Variants in TOP1 observed in about 807,000 individuals in gnomAD.
TOP1 encodes DNA topoisomerase I.
Under a neutral mutation model 111.1 loss-of-function variants are expected in TOP1, and 10 were observed. The ratio of observed to expected loss-of-function variants is 0.09; its 90% confidence interval spans 0.06 to 0.15. The LOEUF is 0.15. TOP1 is among the 10% of genes least tolerant of loss of function. The pLI, the probability that TOP1 is intolerant of heterozygous loss-of-function variation, is 1.00. For missense variants in TOP1, 474 were observed against 926.7 expected (o/e 0.51, Z 6.34); for synonymous variants, 271 against 302.9 (o/e 0.89, Z 1.10).
intron 18 of TOP1, among the ~76,000 whole-genome samples, chr20:41,120,568 T>G (rs1204381708): frequency 6.6e-6 from 1 of 152,220 alleles, no homozygotes; most frequent in Non-Finnish European, 1.5e-5. Context: ...TGAGAAGAAC[T>G]TAGATTCACC....
intron 3 of TOP1, among the ~76,000 whole-genome samples, chr20:41,062,382 C>T (rs903843180): frequency 6.6e-6 from 1 of 152,204 alleles, no homozygotes; most frequent in Non-Finnish European, 1.5e-5. Flanking sequence ...TTTCGCGAAT[C>T]ATTAAAATAA....
chr20:41,043,096 G>T (rs116981192), intron 2 of TOP1, among the ~76,000 whole-genome samples: 9 of 152,318 alleles, frequency 5.9e-5, no homozygotes, highest in Non-Finnish European at 1.2e-4. Flanking sequence ...GTGGTTTCCT[G>T]ATCAGCAGAA....
Position 41,116,462 on chromosome 20 carries a change from G to A in TOP1, c.1822+70G>A. 1.6e-6 allele frequency: 2 copies of A among 1,242,720 alleles called. No individual in the cohort carries two copies. The highest frequency in any genetic ancestry group is 1.2e-5 in the South Asian group (1 of 80,700). 77.0% of individuals were successfully genotyped at this position (1,242,720 alleles called of 1,614,324 possible). A position where few individuals can be genotyped will look rare whatever the true frequency, so the allele number is the denominator to read the frequency against. ...TATCCGGTGACCTTGCTTATCTAAGGCCTAGAGTCAGTTCTACTTTTTTTC... is the reference window on the plus strand; with the variant it reads ...TATCCGGTGACCTTGCTTATCTAAGACCTAGAGTCAGTTCTACTTTTTTTC... On this transcript the variant is annotated intron_variant, in intron 17 of 20. Coordinates refer to ENST00000361337, the MANE Select transcript of TOP1 (RefSeq NM_003286.4). The surrounding 1 kb of genome is among the most constrained non-coding windows in gnomAD (Gnocchi z 5.6).
intron 2 of TOP1, among the ~76,000 whole-genome samples, chr20:41,048,724 T>C (rs1412453423): frequency 6.6e-6 from 1 of 152,248 alleles, no homozygotes; most frequent in Admixed American, 6.5e-5. Flanking sequence ...AAGACCTTCT[T>C]GTAGATCAAG....
At chr20:41,035,993 G>A (rs796187388) in intron 2 of TOP1, among the ~76,000 whole-genome samples, 7 of 152,310 alleles carry the variant, frequency 4.6e-5, no homozygotes, top group African/African-American at 1.7e-4. Context: ...AGCAGCAGAA[G>A]TGGGATGAAG....
chr20:41,049,489 C>T (rs2122607283), intron 2 of TOP1, among the ~76,000 whole-genome samples: 1 of 152,330 alleles, frequency 6.6e-6, no homozygotes, highest in Non-Finnish European at 1.5e-5. Flanking sequence ...TGAACTTGGT[C>T]TTTGTAACTT....
intron 8 of TOP1, among the ~76,000 whole-genome samples, chr20:41,090,428 C>A (rs2033905871): frequency 6.6e-6 from 1 of 152,092 alleles, no homozygotes; most frequent in Non-Finnish European, 1.5e-5. Flanking sequence ...CAAATATTTT[C>A]TCCTATTCTG....
At chr20:41,117,707 C>T (rs1213967289) in intron 17 of TOP1, among the ~76,000 whole-genome samples, 2 of 151,994 alleles carry the variant, frequency 1.3e-5, no homozygotes, top group African/African-American at 2.4e-5. Flanking sequence ...CTTTTAACGT[C>T]CCTTCAATTC....
intron 2 of TOP1, among the ~76,000 whole-genome samples, chr20:41,039,539 A>T (rs2033233717): frequency 6.6e-6 from 1 of 152,192 alleles, no homozygotes; most frequent in Non-Finnish European, 1.5e-5. Context: ...AAATAGGCAA[A>T]AAGATTTAAG....
chr20:41,107,128 A>G (rs962184447), intron 13 of TOP1, among the ~76,000 whole-genome samples: 1 of 152,080 alleles, frequency 6.6e-6, no homozygotes, highest in African/African-American at 2.4e-5. Context: ...TTTCATCTTA[A>G]TTCATAGTCT....
At chr20:41,065,740 TTC>T (rs1424888343) in intron 3 of TOP1, among the ~76,000 whole-genome samples, 2 of 152,254 alleles carry the variant, frequency 1.3e-5, no homozygotes, top group Non-Finnish European at 2.9e-5. Flanking sequence ...CAGAAATTCA[TTC>T]TTTTTTATGA....
rs180969718 is a variant in TOP1, at chr20:41,105,495, G to T, written c.1308+4142G>T. On this transcript the variant is annotated intron_variant, in intron 13 of 20. Coordinates refer to ENST00000361337, the MANE Select transcript of TOP1 (RefSeq NM_003286.4). ...TCATAAAAACTTATCTATTCTGTTG[G>T]TTTTTGTTGTTGGTCATTTGAGACC... is the stretch of plus-strand genomic sequence containing the variant. Among the ~76,000 whole-genome samples, 218 of 152,114 alleles carry T rather than the reference G, an allele frequency of 1.4e-3. 7 individuals carry two copies. The East Asian group carries it at 0.038, about 26-fold the overall frequency.
chr20:41,118,151 A>G lies in TOP1; in HGVS notation c.1823-18A>G, dbSNP rs530493566. On this transcript the variant is annotated intron_variant, in intron 17 of 20. Transcript: ENST00000361337. This position sits in a 1 kb window ranked among gnomAD's most constrained non-coding sequence, Gnocchi z 4.6. ...TGTACAAACTGACCCTCTTGCTACC[A>G]TGTTCCTTTCTTTACAGCGGATGAG... 9 of 1,612,192 alleles carry G rather than the reference A, an allele frequency of 5.6e-6. No homozygotes were observed. Among genetic ancestry groups the G allele is most frequent in the East Asian group, 2.2e-5 (1 of 44,834 alleles).
At chr20:41,117,299 C>G (rs1032572557) in intron 17 of TOP1, among the ~76,000 whole-genome samples, 9 of 151,526 alleles carry the variant, frequency 5.9e-5, no homozygotes, top group African/African-American at 2.2e-4. Flanking sequence ...CATACCACCG[C>G]ACTCCAGCTT....
chr20:41,029,178 A>G lies in TOP1; in HGVS notation c.33+78A>G. On this transcript the variant is annotated intron_variant, in intron 1 of 20. Coordinates refer to ENST00000361337, the MANE Select transcript of TOP1 (RefSeq NM_003286.4). This position sits in a 1 kb window ranked among gnomAD's most constrained non-coding sequence, Gnocchi z 6.1. ...GACCCCCGGCGCAGGCCCCGACCCC[A>G]GCCCCGGCCCGGCAGCTTTGACAGG... 8.6e-7 allele frequency: 1 copy of G among 1,167,324 alleles called. No individual in the cohort carries two copies. Among genetic ancestry groups the G allele is most frequent in the Non-Finnish European group, 1.1e-6 (1 of 887,438 alleles). 72.3% of individuals were successfully genotyped at this position (1,167,324 alleles called of 1,614,324 possible).
In TOP1 at chr20:41,112,326, G is replaced by A. The variant is rs1291209457; in HGVS notation, c.1309-456G>A. ...GTGAAATTGATGTGGGAATGGGGGTGATTATGTGCTTTGTGTTGACAGAAG... is the reference window on the plus strand; with the variant it reads ...GTGAAATTGATGTGGGAATGGGGGTAATTATGTGCTTTGTGTTGACAGAAG... On this transcript the variant is annotated intron_variant, in intron 13 of 20. Coordinates refer to ENST00000361337, the MANE Select transcript of TOP1 (RefSeq NM_003286.4). The surrounding 1 kb of genome is among the most constrained non-coding windows in gnomAD (Gnocchi z 5.8). Among the ~76,000 whole-genome samples the A allele has an allele frequency of 6.6e-6, 1 of 152,202 alleles. No homozygotes were observed. The highest frequency in any genetic ancestry group is 6.5e-5 in the Admixed American group (1 of 15,284).
chr20:41,105,604 T>A (rs1038184646), intron 13 of TOP1, among the ~76,000 whole-genome samples: 1 of 152,200 alleles, frequency 6.6e-6, no homozygotes, highest in Non-Finnish European at 1.5e-5. Flanking sequence ...TTCAAGTGGT[T>A]TTGGTGCCTC....
At position 41,112,451 on chromosome 20, in the gene TOP1, T is replaced by C; in HGVS notation, c.1309-331T>C. 6.6e-6 allele frequency among the ~76,000 whole-genome samples: 1 copy of C among 152,250 alleles called. No individual in the cohort carries two copies. The highest frequency in any genetic ancestry group is 1.9e-4 in the East Asian group (1 of 5,202). On this transcript the variant is annotated intron_variant, in intron 13 of 20. Coordinates refer to ENST00000361337, the MANE Select transcript of TOP1 (RefSeq NM_003286.4). The surrounding 1 kb of genome is among the most constrained non-coding windows in gnomAD (Gnocchi z 5.8). ...CTTCTGGGAAAGCCTTAGAAGTCAG[T>C]TGTGCTTGGCAGTGAGATGGGACAA...
intron 2 of TOP1, among the ~76,000 whole-genome samples, chr20:41,055,123 G>T (rs2033454914): frequency 6.6e-6 from 1 of 152,130 alleles, no homozygotes; most frequent in African/African-American, 2.4e-5. Flanking sequence ...ATTGCAGGGG[G>T]CTTCCTCCCA....
Sources: gnomAD v4.1 joint callset for allele counts (sites outside exome capture counted in the v4.1 genomes callset) on GRCh38, gnomAD v4.1.1 for gene constraint, Gnocchi (gnomAD v3.1) non-coding constraint, MANE v1.5 for transcripts, NCBI Gene and HGNC (gene_info 2026-07-23, HGNC 2026-07-21) for gene names.